The following KLHL42 variants were observed in gnomAD, a reference collection of about 807,000 sequenced individuals.
KLHL42 encodes the protein kelch-like protein 42.
KLHL42 carries 27 observed loss-of-function variants against 32.7 expected under a neutral mutation model. The ratio of observed to expected loss-of-function variants is 0.83; its 90% CI spans 0.61 to 1.14. The LOEUF (loss-of-function observed/expected upper bound fraction) is 1.14, where lower values mean the gene tolerates loss of function less well. Among genes scored for constraint, KLHL42 ranks in the 50% most tolerant of loss-of-function variants. The probability of loss-of-function intolerance (pLI) is 0.00; values close to 1 mark genes in which losing one functional copy is unlikely to be tolerated. For synonymous variants in KLHL42, 267 were observed against 248.2 expected (o/e 1.08, Z -0.71); for missense variants, 491 against 560.8 (o/e 0.88, Z 1.26).
chr12:27,786,605 T>C (rs1289332447), intron 1 of KLHL42, among the ~76,000 whole-genome samples: 1 of 152,190 alleles, frequency 6.6e-6, no homozygotes, highest in Non-Finnish European at 1.5e-5. Context: ...CTTTGGGATG[T>C]ATCAGTATTT....
chr12:27,787,271 G>C (rs1444462848), intron 1 of KLHL42, among the ~76,000 whole-genome samples: 1 of 151,802 alleles, frequency 6.6e-6, no homozygotes, highest in African/African-American at 2.4e-5. Flanking sequence ...GAGGCAGGCG[G>C]ATCACCTGAG....
chr12:27,800,507 C>A lies in KLHL42; in HGVS notation c.*2341C>A. 1 of 343,108 alleles carries A rather than the reference C, an allele frequency of 2.9e-6. No individual in the cohort carries two copies. Among genetic ancestry groups the A allele is most frequent in the Non-Finnish European group, 4.1e-6 (1 of 242,816 alleles). 21.3% of individuals were successfully genotyped at this position (343,108 alleles called of 1,614,324 possible). ...TGTGCATTTTGTGACATCGTCCTTC[C>A]TGCTGTGCACATCAGCTGTGATGAC... On this transcript the variant is annotated 3_prime_UTR_variant, in exon 3 of 3. Coordinates refer to ENST00000381271, the MANE Select transcript of KLHL42 (RefSeq NM_020782.2).
At chr12:27,790,610 G>A (rs898337869) in intron 1 of KLHL42, among the ~76,000 whole-genome samples, 2 of 152,180 alleles carry the variant, frequency 1.3e-5, no homozygotes, top group African/African-American at 4.8e-5. Context: ...CTGATAAGCA[G>A]CATTTAATTA....
chr12:27,797,748 C>T lies in KLHL42; in HGVS notation c.1100C>T (p.Ser367Phe), dbSNP rs775482220. 1 of 718,024 alleles carries T rather than the reference C, an allele frequency of 1.4e-6. No individual in the cohort carries two copies. The highest frequency in any genetic ancestry group is 1.7e-5 in the African/African-American group (1 of 57,468). The allele number at this position is 718,024 out of a possible 1,614,324, so 44.5% of individuals were successfully genotyped here. A position where few individuals can be genotyped will look rare whatever the true frequency, so the allele number is the denominator to read the frequency against. The change falls in exon 3 of 3, where the codon TCT (serine) becomes TTT (phenylalanine). Residue 367 changes from serine (S) to phenylalanine (F), a missense_variant. Around this residue, in one of 4 missense-constraint regions of KLHL42, gnomAD observed 152 missense variants for 125.9 expected, o/e 1.21. Transcript: ENST00000381271. ...RNMNILQYCP[S>F]SDMWTLFETC... ...ATGAACATTTTGCAGTACTGCCCCT[C>T]TTCCGACATGTGGACGCTCTTTGAA...
In KLHL42 at chr12:27,781,042, C is replaced by G. The variant is rs754124260; in HGVS notation, c.712C>G (p.Pro238Ala). 2 of 1,613,824 alleles carry G rather than the reference C, an allele frequency of 1.2e-6. No individual in the cohort carries two copies. Among genetic ancestry groups the G allele is most frequent in the East Asian group, 4.5e-5 (2 of 44,876 alleles). Residue 238 changes from proline to alanine, a missense_variant, in exon 1 of 3, where the codon CCC becomes GCC. By Grantham distance (27) the Pro-to-Ala change is conservative. This residue lies in a region of KLHL42 where 248 missense variants were observed against 329.2 expected (regional missense o/e 0.75). Transcript: ENST00000381271. ...RWFPLANNLP[P>A]DLVNVRGYGS... The stretch of plus-strand genomic sequence containing the variant: ...GTTCCCGCTGGCCAACAACCTTCCT[C>G]CCGACCTGGTCAATGTCAGGGGCTA...
rs2062239243 is a variant in KLHL42, at chr12:27,800,334, TTGTGTGTGTGTGTGGGGGTGTGTGTG to T, written c.*2182_*2207del. 1.2e-6 allele frequency: 1 copy of T among 831,272 alleles called. No individual in the cohort carries two copies. The highest frequency in any genetic ancestry group is 1.5e-4 in the East Asian group (1 of 6,462). The allele number at this position is 831,272 out of a possible 1,614,324, so 51.5% of individuals were successfully genotyped here. ...GCTCTTTTATAAACCAGGTTTGAGGTTGTGTGTGTGTGTGGGGGTGTGTGTGTGTGTGTGTGTGTATGTTTGCATAT... is the reference window on the plus strand; with the variant it reads ...GCTCTTTTATAAACCAGGTTTGAGGTTGTGTGTGTGTGTATGTTTGCATAT... On this transcript the variant is annotated 3_prime_UTR_variant, in exon 3 of 3. Coordinates refer to ENST00000381271, the MANE Select transcript of KLHL42 (RefSeq NM_020782.2).
At chr12:27,797,401 T>C (rs147651603) in intron 2 of KLHL42, 1 of 512,616 alleles carries the variant, frequency 2.0e-6, no homozygotes, top group African/African-American at 1.9e-5. Context: ...TTTTTTACAC[T>C]GACCTGGTGG....
intron 2 of KLHL42, 156 bp downstream of exon 2, chr12:27,792,057 T>C (rs1166574283): frequency 1.7e-6 from 1 of 603,752 alleles, no homozygotes; most frequent in African/African-American, 1.9e-5. Context: ...GAGTTCCATA[T>C]GGCAGGGATG....
At chr12:27,789,677 T>C (rs1413517125) in intron 1 of KLHL42, among the ~76,000 whole-genome samples, 2 of 152,200 alleles carry the variant, frequency 1.3e-5, no homozygotes, top group Non-Finnish European at 2.9e-5. Flanking sequence ...CTTTATTTCC[T>C]TTGGTTCCCC....
At chr12:27,786,690 TA>T (rs1428266111) in intron 1 of KLHL42, among the ~76,000 whole-genome samples, 1 of 150,242 alleles carries the variant, frequency 6.7e-6, no homozygotes, top group African/African-American at 2.5e-5. Flanking sequence ...TCCAGAATCT[TA>T]AATAGCAGGA....
At chr12:27,797,206 T>C (rs549072006) in intron 2 of KLHL42, 49 of 456,058 alleles carry the variant, frequency 1.1e-4, no homozygotes, top group South Asian at 7.6e-4. Context: ...GAGACTTTGC[T>C]GCCTTTCTCC....
chr12:27,794,268 GTCC>G (rs2062209769), intron 2 of KLHL42, among the ~76,000 whole-genome samples: 1 of 152,154 alleles, frequency 6.6e-6, no homozygotes, highest in Non-Finnish European at 1.5e-5. Flanking sequence ...TAGGGGAGGA[GTCC>G]TCCTTGCTCC....
intron 1 of KLHL42, among the ~76,000 whole-genome samples, chr12:27,785,611 C>T (rs1031085300): frequency 5.3e-5 from 8 of 152,070 alleles, no homozygotes; most frequent in African/African-American, 1.9e-4. Context: ...AGTTCCTTCC[C>T]GAACTCTGGC....
chr12:27,788,428 C>T (rs1318703561), intron 1 of KLHL42, among the ~76,000 whole-genome samples: 2 of 152,208 alleles, frequency 1.3e-5, no homozygotes, highest in East Asian at 1.9e-4. Context: ...GGGCTAGACT[C>T]GAAGCCACCC....
At chr12:27,786,836 C>T (rs2062174202) in intron 1 of KLHL42, among the ~76,000 whole-genome samples, 1 of 150,212 alleles carries the variant, frequency 6.7e-6, no homozygotes, top group South Asian at 2.1e-4. Flanking sequence ...TATTCTCCTG[C>T]CTCAGCCTCC....
At chr12:27,795,036 G>A (rs2062212622) in intron 2 of KLHL42, among the ~76,000 whole-genome samples, 1 of 152,066 alleles carries the variant, frequency 6.6e-6, no homozygotes. Context: ...CTGTGTTTAT[G>A]TAGTAATCCC....
intron 2 of KLHL42, among the ~76,000 whole-genome samples, chr12:27,793,261 T>C (rs2062205064): frequency 6.6e-6 from 1 of 151,892 alleles, no homozygotes; most frequent in Non-Finnish European, 1.5e-5. Context: ...AAAAATTAGC[T>C]GGATGTGGTG....
At chr12:27,786,185 A>G (rs1258217260) in intron 1 of KLHL42, among the ~76,000 whole-genome samples, 2 of 152,216 alleles carry the variant, frequency 1.3e-5, no homozygotes, top group Non-Finnish European at 2.9e-5. Flanking sequence ...TAAGTTTTGG[A>G]TTTTAGACTT....
chr12:27,780,595 G>A lies in KLHL42; in HGVS notation c.265G>A (p.Gly89Arg), dbSNP rs1002830484. Residue 89 changes from glycine to arginine, a missense_variant, in exon 1 of 3, where the codon GGG becomes AGG. By Grantham distance (125) the Gly-to-Arg change is moderately radical. This residue lies in a region of KLHL42 where 248 missense variants were observed against 329.2 expected (regional missense o/e 0.75). Transcript: ENST00000381271. This position sits in a 1 kb window ranked among gnomAD's most constrained non-coding sequence, Gnocchi z 8.8. ...LLGPRGEKGGGVDEDEEMDEV... is the reference protein window; with the variant it reads ...LLGPRGEKGGRVDEDEEMDEV... ...GGGCCCGCGCGGGGAAAAGGGCGGC[G>A]GGGTGGACGAGGACGAGGAGATGGA... 6.5e-7 allele frequency: 1 copy of A among 1,543,124 alleles called. No homozygotes were observed. Among genetic ancestry groups the A allele is most frequent in the Admixed American group, 2.0e-5 (1 of 49,888 alleles).
Sources: allele counts gnomAD v4.1 joint callset (sites outside exome capture counted in the v4.1 genomes callset), GRCh38; gene constraint gnomAD v4.1.1; regional missense constraint gnomAD v4.1.1; non-coding constraint Gnocchi (gnomAD v3.1); transcripts MANE v1.5; gene names NCBI Gene and HGNC (gene_info 2026-07-23, HGNC 2026-07-21).